Variants in MSRA observed in about 807,000 individuals in gnomAD.
MSRA encodes mitochondrial peptide methionine sulfoxide reductase.
MSRA carries 54 observed loss-of-function variants against 31.3 expected under a neutral mutation model. That is an observed-to-expected ratio of 1.73 (90% CI 1.39 to 2.17). The LOEUF (loss-of-function observed/expected upper bound fraction) is 2.17, where lower values mean the gene tolerates loss of function less well. Among genes scored for constraint, MSRA ranks in the 30% most tolerant of loss-of-function variants. The pLI, the probability that MSRA is intolerant of heterozygous loss-of-function variation, is 0.00. For missense variants in MSRA, 507 were observed against 300.9 expected (o/e 1.69, Z -5.07); for synonymous variants, 169 against 116.5 (o/e 1.45, Z -2.90).
intron 5 of MSRA, among the ~76,000 whole-genome samples, chr8:10,352,905 G>A (rs1369550877): frequency 6.6e-6 from 1 of 152,076 alleles, no homozygotes; most frequent in Non-Finnish European, 1.5e-5. Context: ...ACATATCAGA[G>A]CATCCCGTGC....
At chr8:10,181,119 G>C (rs761295286) in intron 1 of MSRA, among the ~76,000 whole-genome samples, 2 of 152,204 alleles carry the variant, frequency 1.3e-5, no homozygotes, top group African/African-American at 2.4e-5. Context: ...GTAAATACTT[G>C]TCCGCAGATG....
intron 1 of MSRA, among the ~76,000 whole-genome samples, chr8:10,176,321 C>A (rs757117168): frequency 9.2e-5 from 14 of 152,118 alleles, no homozygotes; most frequent in Non-Finnish European, 1.9e-4. Flanking sequence ...CTCAGAGATG[C>A]CAGCTCTGTC....
At chr8:10,268,738 T>G (rs561806660) in intron 3 of MSRA, among the ~76,000 whole-genome samples, 2 of 152,378 alleles carry the variant, frequency 1.3e-5, no homozygotes, top group Admixed American at 6.5e-5. Flanking sequence ...GCCCCAGGTT[T>G]CTTTTGAGCA....
At position 10,405,949 on chromosome 8, in the gene MSRA, CAT is replaced by C. The variant is rs561723282; in HGVS notation, c.544-22198_544-22197del. Among the ~76,000 whole-genome samples, 239 of 152,412 alleles carry C rather than the reference CAT, an allele frequency of 1.6e-3. 1 individual carries two copies. The highest frequency in any genetic ancestry group is 2.8e-3 in the African/African-American group (118 of 41,600). ...ATGCTCACATGTGCTCACACACACA[CAT>C]GTGATGGATCACGAGGGGCAGAGGA... On this transcript the variant is annotated intron_variant, in intron 5 of 5. Transcript: ENST00000317173.
chr8:10,394,006 A>G (rs967033476), intron 5 of MSRA, among the ~76,000 whole-genome samples: 2 of 152,218 alleles, frequency 1.3e-5, no homozygotes. Flanking sequence ...GGCCAATTAG[A>G]GGGCAGATGG....
chr8:10,294,252 T>G (rs1014351482), intron 3 of MSRA, among the ~76,000 whole-genome samples: 1 of 152,148 alleles, frequency 6.6e-6, no homozygotes, highest in Non-Finnish European at 1.5e-5. Flanking sequence ...TGGGAAACTT[T>G]TAGACATAGA....
intron 1 of MSRA, among the ~76,000 whole-genome samples, chr8:10,190,073 T>A (rs1807375258): frequency 6.6e-6 from 1 of 152,172 alleles, no homozygotes; most frequent in African/African-American, 2.4e-5. Context: ...GTAAGCTCTG[T>A]GATAAGCCAA....
At chr8:10,244,239 A>G (rs949365720) in intron 2 of MSRA, among the ~76,000 whole-genome samples, 2 of 152,220 alleles carry the variant, frequency 1.3e-5, no homozygotes, top group African/African-American at 2.4e-5. Context: ...GAAGTGGGCC[A>G]TAGAACACCA....
intron 3 of MSRA, among the ~76,000 whole-genome samples, chr8:10,290,456 C>T (rs1160191802): frequency 1.3e-5 from 2 of 152,076 alleles, no homozygotes; most frequent in Non-Finnish European, 2.9e-5. Flanking sequence ...AAAAAATGTT[C>T]TGTCCATTTC....
chr8:10,357,665 C>A (rs1205176925), intron 5 of MSRA, among the ~76,000 whole-genome samples: 1 of 152,154 alleles, frequency 6.6e-6, no homozygotes, highest in Non-Finnish European at 1.5e-5. Flanking sequence ...TCCAAGAAAT[C>A]TGCTTTCTTT....
intron 1 of MSRA, among the ~76,000 whole-genome samples, chr8:10,135,305 GCCGTTGAAA>G (rs1416380645): frequency 1.3e-5 from 2 of 152,198 alleles, no homozygotes; most frequent in African/African-American, 2.4e-5. Context: ...CGGTGTTTTT[GCCGTTGAAA>G]CCTAAATCTC....
At chr8:10,219,805 C>CAAAAAAAAAAAAAAAAAA (rs202000887) in intron 2 of MSRA, among the ~76,000 whole-genome samples, 12 of 46,068 alleles carry the variant, frequency 2.6e-4, no homozygotes, top group African/African-American at 1.8e-3. Context: ...GACTCTGTCT[C>CAAAAAAAAAAAAAAAAAA]CAAAAAAAAA....
intron 5 of MSRA, among the ~76,000 whole-genome samples, chr8:10,320,966 G>A (rs1212879379): frequency 1.3e-5 from 2 of 152,166 alleles, no homozygotes; most frequent in African/African-American, 2.4e-5. Context: ...CTCCAAGGAA[G>A]GTCACATTCC....
chr8:10,054,435 A>AC lies in MSRA; in HGVS notation c.-78dup, dbSNP rs1802167779. ...TGCCGCCCCCCGGTTCCGGCCGCGG[A>AC]CCCCACTCTCTGCCGTTCCGGCTGC... On this transcript the variant is annotated 5_prime_UTR_variant, in exon 1 of 6. Transcript: ENST00000317173. 4 of 669,144 alleles carry AC rather than the reference A, an allele frequency of 6.0e-6. No homozygotes were observed. The highest frequency in any genetic ancestry group is 8.6e-6 in the Non-Finnish European group (4 of 467,770). The allele number at this position is 669,144 out of a possible 1,614,324, so 41.5% of individuals were successfully genotyped here. A position where few individuals can be genotyped will look rare whatever the true frequency, so the allele number is the denominator to read the frequency against.
At chr8:10,064,241 C>T (rs546936009) in intron 1 of MSRA, among the ~76,000 whole-genome samples, 2 of 152,214 alleles carry the variant, frequency 1.3e-5, no homozygotes, top group Non-Finnish European at 2.9e-5. Flanking sequence ...ATGACTTTGA[C>T]TCATGATGCC....
chr8:10,183,808 GTGC>G (rs752435520), intron 1 of MSRA, among the ~76,000 whole-genome samples: 5,211 of 100,048 alleles, frequency 0.052, 129 homozygotes, highest in South Asian at 0.15. Flanking sequence ...GGTGGTGGTG[GTGC>G]TGCTGCTGCT....
Position 10,214,081 on chromosome 8 carries a change from G to A in MSRA, c.211+6180G>A, listed in dbSNP as rs111729044. Among the ~76,000 whole-genome samples the A allele has an allele frequency of 4.7e-3, 717 of 152,238 alleles. 2 individuals are homozygous for A. The highest frequency in any genetic ancestry group is 0.015 in the African/African-American group (605 of 41,546). On this transcript the variant is annotated intron_variant, in intron 2 of 5. Coordinates refer to ENST00000317173, the MANE Select transcript of MSRA (RefSeq NM_012331.5). Reference sequence around the variant, plus strand: ...CAAACCACTGGAAAACATGTTTTCCGGGTCAGATTCTCTGAAGATTCTTCA... The same window carrying A: ...CAAACCACTGGAAAACATGTTTTCCAGGTCAGATTCTCTGAAGATTCTTCA...
At chr8:10,292,750 G>C (rs1357942002) in intron 3 of MSRA, among the ~76,000 whole-genome samples, 1 of 152,210 alleles carries the variant, frequency 6.6e-6, no homozygotes. Context: ...ACTGTGGGTA[G>C]CCTGGGACAC....
chr8:10,332,639 C>A (rs1802774487), intron 5 of MSRA, among the ~76,000 whole-genome samples: 1 of 152,186 alleles, frequency 6.6e-6, no homozygotes, highest in Non-Finnish European at 1.5e-5. Flanking sequence ...ACGTAGACAG[C>A]TAGATCTTAG....
Sources: gnomAD v4.1 joint callset for allele counts (sites outside exome capture counted in the v4.1 genomes callset) on GRCh38, gnomAD v4.1.1 for gene constraint, MANE v1.5 for transcripts, NCBI Gene and HGNC (gene_info 2026-07-23, HGNC 2026-07-21) for gene names.